AIG1: variants seen among roughly 807,000 people sequenced by gnomAD.
AIG1 encodes the protein androgen induced 1.
AIG1 carries 23 observed loss-of-function variants against 31.4 expected under a neutral mutation model. The observed-to-expected ratio is 0.73, with a 90% CI of 0.53 to 1.04. AIG1 has a LOEUF of 1.04. AIG1 is among the 50% of genes least tolerant of loss of function. The pLI is 0.00. For missense variants in AIG1, 274 were observed against 295.0 expected (o/e 0.93, Z 0.52); for synonymous variants, 100 against 110.5 (o/e 0.90, Z 0.60).
At chr6:143,177,223 A>T (rs1788254925) in intron 3 of AIG1, among the ~76,000 whole-genome samples, 1 of 152,076 alleles carries the variant, frequency 6.6e-6, no homozygotes, top group Non-Finnish European at 1.5e-5. Flanking sequence ...CATTGAATCT[A>T]TTTGTGTTCT....
At chr6:143,223,479 T>A (rs1382683202) in intron 3 of AIG1, among the ~76,000 whole-genome samples, 1 of 152,172 alleles carries the variant, frequency 6.6e-6, no homozygotes, top group Non-Finnish European at 1.5e-5. Context: ...TGAATTAATT[T>A]TTTTTCAAAT....
chr6:143,148,149 A>G (rs1784859976), intron 2 of AIG1, among the ~76,000 whole-genome samples: 1 of 152,022 alleles, frequency 6.6e-6, no homozygotes, highest in Non-Finnish European at 1.5e-5. Flanking sequence ...TGTGCTGTAT[A>G]ATGACGTTTT....
chr6:143,196,322 T>G (rs1316690557), intron 3 of AIG1, among the ~76,000 whole-genome samples: 1 of 148,930 alleles, frequency 6.7e-6, no homozygotes, highest in African/African-American at 2.5e-5. Flanking sequence ...GCCTTCTCAT[T>G]TGTCAGCACA....
At chr6:143,251,484 T>G (rs1332512747) in intron 3 of AIG1, among the ~76,000 whole-genome samples, 1 of 151,742 alleles carries the variant, frequency 6.6e-6, no homozygotes, top group Admixed American at 6.6e-5. Context: ...CCTGACACTG[T>G]TTGCAAACTA....
At chr6:143,230,775 A>G (rs906724156) in intron 3 of AIG1, among the ~76,000 whole-genome samples, 2 of 152,184 alleles carry the variant, frequency 1.3e-5, no homozygotes, top group African/African-American at 4.8e-5. Context: ...TAGATATAGG[A>G]AAGCTCACGA....
chr6:143,187,565 T>G, intron 3 of AIG1: 1 of 1,536,058 alleles, frequency 6.5e-7, no homozygotes, highest in African/African-American at 1.4e-5. Context: ...CATAAAAATA[T>G]GAAAAGCAAC....
chr6:143,094,793 G>A (rs1779606891), intron 1 of AIG1, among the ~76,000 whole-genome samples: 1 of 151,330 alleles, frequency 6.6e-6, no homozygotes, highest in Non-Finnish European at 1.5e-5. Context: ...AATTATTGTA[G>A]AACAAAGGAA....
chr6:143,194,827 C>T (rs1412174750), intron 3 of AIG1, among the ~76,000 whole-genome samples: 1 of 152,190 alleles, frequency 6.6e-6, no homozygotes, highest in Non-Finnish European at 1.5e-5. Flanking sequence ...TCTCTGGGCA[C>T]ATCTGCAGCT....
intron 3 of AIG1, among the ~76,000 whole-genome samples, chr6:143,171,849 T>C (rs1247386547): frequency 6.6e-6 from 1 of 151,952 alleles, no homozygotes; most frequent in Non-Finnish European, 1.5e-5. Context: ...TCTATTATTA[T>C]TTGATTTTTC....
intron 3 of AIG1, among the ~76,000 whole-genome samples, chr6:143,193,254 T>C (rs749530928): frequency 2.6e-5 from 4 of 152,256 alleles, no homozygotes; most frequent in Non-Finnish European, 5.9e-5. Flanking sequence ...TAATAAGAGC[T>C]GTTTCCACTT....
At chr6:143,171,953 A>G (rs1190681598) in intron 3 of AIG1, among the ~76,000 whole-genome samples, 1 of 151,800 alleles carries the variant, frequency 6.6e-6, no homozygotes, top group Non-Finnish European at 1.5e-5. Context: ...ATTTTTTCCT[A>G]TGTTTGTTGG....
intron 3 of AIG1, among the ~76,000 whole-genome samples, chr6:143,201,721 G>C (rs1467361443): frequency 6.6e-6 from 1 of 152,130 alleles, no homozygotes; most frequent in Admixed American, 6.5e-5. Context: ...TCTCCTCTTT[G>C]TTACGGACCT....
At chr6:143,194,161 T>G (rs767508599) in intron 3 of AIG1, among the ~76,000 whole-genome samples, 11 of 152,224 alleles carry the variant, frequency 7.2e-5, no homozygotes, top group Non-Finnish European at 1.6e-4. Flanking sequence ...GAGATTTAAT[T>G]GACTTACAGT....
chr6:143,099,353 C>T (rs1489894722), intron 1 of AIG1: 3 of 152,134 alleles, frequency 2.0e-5, no homozygotes, highest in Non-Finnish European at 4.4e-5. Flanking sequence ...ATGCTCTGTT[C>T]CCTAGAGCAC....
At chr6:143,281,002 GT>G (rs1382201521) in intron 3 of AIG1, among the ~76,000 whole-genome samples, 4 of 152,096 alleles carry the variant, frequency 2.6e-5, no homozygotes, top group African/African-American at 9.7e-5. Flanking sequence ...CTTTTTATTT[GT>G]TTTGAGGCCC....
chr6:143,109,452 G>T (rs979964216), intron 1 of AIG1, among the ~76,000 whole-genome samples: 4 of 152,170 alleles, frequency 2.6e-5, no homozygotes, highest in African/African-American at 7.2e-5. Flanking sequence ...TTCCAAAGTG[G>T]TTTTAACAAT....
In AIG1 at chr6:143,338,300, C is replaced by T. The variant is rs190738535; in HGVS notation, c.680-1339C>T. On this transcript the variant is annotated intron_variant, in intron 5 of 5. Transcript: ENST00000357847. The surrounding 1 kb of genome is among the most constrained non-coding windows in gnomAD (Gnocchi z 4.3). The stretch of plus-strand genomic sequence containing the variant: ...CCTTCTTGCCTTCAAACCTGTTCCT[C>T]CTCCCGTCAGATGTCCTTACTCCTC... 1 of 321,974 alleles carries T rather than the reference C, an allele frequency of 3.1e-6. No homozygotes were observed. Among genetic ancestry groups the T allele is most frequent in the East Asian group, 4.9e-5 (1 of 20,604 alleles). 19.9% of individuals were successfully genotyped at this position (321,974 alleles called of 1,614,324 possible).
At chr6:143,092,458 C>G (rs1018492257) in intron 1 of AIG1, among the ~76,000 whole-genome samples, 2 of 152,022 alleles carry the variant, frequency 1.3e-5, no homozygotes, top group Non-Finnish European at 2.9e-5. Flanking sequence ...TCAAAATTCC[C>G]TCTTGATCCA....
intron 2 of AIG1, among the ~76,000 whole-genome samples, chr6:143,158,547 G>A (rs952920285): frequency 7.9e-5 from 12 of 152,114 alleles, no homozygotes; most frequent in South Asian, 2.1e-4. Flanking sequence ...TCTGTTTGTC[G>A]TTCTCTTAAT....
Sources: gnomAD v4.1 joint callset for allele counts (sites outside exome capture counted in the v4.1 genomes callset) on GRCh38, gnomAD v4.1.1 for gene constraint, Gnocchi (gnomAD v3.1) non-coding constraint, MANE v1.5 for transcripts, NCBI Gene and HGNC (gene_info 2026-07-23, HGNC 2026-07-21) for gene names.